Variants in POFUT3 observed in about 807,000 individuals in gnomAD.
The protein encoded by POFUT3 is protein O-fucosyltransferase 3, also known as GDP-fucose protein O-fucosyltransferase 3.
At chr8:33,320,024 A>T in the POFUT3 span, among the ~76,000 whole-genome samples, 408 of 151,680 alleles carry the variant, frequency 2.7e-3, 2 homozygotes, top group African/African-American at 9.1e-3. Context: ...CTCTGCTTAT[A>T]GCTTTGTGTT....
chr8:33,339,166 A>G, the POFUT3 span, among the ~76,000 whole-genome samples: 1 of 152,206 alleles, frequency 6.6e-6, no homozygotes. Context: ...CTATACAAAC[A>G]TGCTTGAAAT....
At chr8:33,347,131 C>G in the POFUT3 span, among the ~76,000 whole-genome samples, 1 of 152,120 alleles carries the variant, frequency 6.6e-6, no homozygotes, top group Non-Finnish European at 1.5e-5. Context: ...CGCACAAAAA[C>G]AAGAGAACCG....
the POFUT3 span, chr8:33,338,994 G>A: frequency 6.6e-6 from 1 of 151,852 alleles, no homozygotes; most frequent in Non-Finnish European, 1.5e-5. Context: ...ATATTTTAAT[G>A]ACCCAGTTGC....
chr8:33,379,628 G>A, the POFUT3 span, among the ~76,000 whole-genome samples: 20 of 151,460 alleles, frequency 1.3e-4, no homozygotes, highest in Non-Finnish European at 4.4e-5. Flanking sequence ...ACGAGGTCAG[G>A]AGTTCTAGGC....
At chr8:33,391,868 G>T in the POFUT3 span, among the ~76,000 whole-genome samples, 1 of 152,168 alleles carries the variant, frequency 6.6e-6, no homozygotes, top group Non-Finnish European at 1.5e-5. Context: ...GTCACTGTCT[G>T]CTGCTACCTG....
chr8:33,372,492 T>G, the POFUT3 span: 4 of 1,496,832 alleles, frequency 2.7e-6, no homozygotes, highest in Non-Finnish European at 3.6e-6. Flanking sequence ...GTCAACAGAA[T>G]AGCTATTATG....
the POFUT3 span, among the ~76,000 whole-genome samples, chr8:33,464,046 CTCACTT>C: frequency 2.0e-5 from 3 of 152,198 alleles, no homozygotes; most frequent in African/African-American, 7.2e-5. Context: ...CTCTCCATAA[CTCACTT>C]TCCAAAAGTA....
the POFUT3 span, among the ~76,000 whole-genome samples, chr8:33,382,184 C>T: frequency 2.0e-5 from 3 of 152,120 alleles, no homozygotes; most frequent in Admixed American, 6.5e-5. Context: ...CCCAGCTACT[C>T]GGGAGTCTGA....
At chr8:33,339,688 C>A in the POFUT3 span, among the ~76,000 whole-genome samples, 2 of 152,100 alleles carry the variant, frequency 1.3e-5, no homozygotes, top group African/African-American at 4.8e-5. Context: ...ATAAATGACA[C>A]CTTACCTATT....
the POFUT3 span, among the ~76,000 whole-genome samples, chr8:33,408,693 A>G: frequency 4.6e-5 from 7 of 152,196 alleles, no homozygotes; most frequent in Non-Finnish European, 1.0e-4. Context: ...ATGCCAGACA[A>G]AAAAGAGAAC....
chr8:33,346,150 A>C, the POFUT3 span, among the ~76,000 whole-genome samples: 1 of 118,280 alleles, frequency 8.5e-6, no homozygotes, highest in Non-Finnish European at 1.7e-5. Context: ...ATAGCCACTG[A>C]GTGCAGTGGA....
At chr8:33,314,724 G>A in the POFUT3 span, among the ~76,000 whole-genome samples, 2 of 152,160 alleles carry the variant, frequency 1.3e-5, no homozygotes, top group Admixed American at 6.6e-5. Flanking sequence ...TAGGAAAAAC[G>A]GTGATATAGC....
At chr8:33,409,604 C>T in the POFUT3 span, among the ~76,000 whole-genome samples, 2 of 152,160 alleles carry the variant, frequency 1.3e-5, no homozygotes, top group East Asian at 3.9e-4. Context: ...TTTGTTGCTG[C>T]TTTAACTATG....
the POFUT3 span, among the ~76,000 whole-genome samples, chr8:33,382,262 A>G: frequency 6.6e-6 from 1 of 152,184 alleles, no homozygotes; most frequent in East Asian, 1.9e-4. Flanking sequence ...ACTGTACTCC[A>G]GCCTGGGTGA....
the POFUT3 span, among the ~76,000 whole-genome samples, chr8:33,358,206 T>C: frequency 2.6e-5 from 4 of 152,224 alleles, no homozygotes; most frequent in African/African-American, 9.7e-5. Flanking sequence ...TGAGCCAGGA[T>C]GGTGCCATTG....
chr8:33,389,351 T>A, the POFUT3 span: 1 of 1,614,152 alleles, frequency 6.2e-7, no homozygotes, highest in South Asian at 1.1e-5. Flanking sequence ...TAGGATAAAC[T>A]TATACTGTGC....
the POFUT3 span, among the ~76,000 whole-genome samples, chr8:33,422,270 C>A: frequency 1.3e-5 from 2 of 150,940 alleles, no homozygotes; most frequent in African/African-American, 4.9e-5. Context: ...AGGCCTGGCG[C>A]GGTGGTTCCC....
At chr8:33,470,035 C>T in the POFUT3 span, among the ~76,000 whole-genome samples, 1 of 151,424 alleles carries the variant, frequency 6.6e-6, no homozygotes, top group Admixed American at 6.6e-5. Context: ...CCTCGTGATC[C>T]ACCTGCCTCG....
the POFUT3 span, among the ~76,000 whole-genome samples, chr8:33,401,462 T>C: frequency 6.6e-6 from 1 of 152,134 alleles, no homozygotes; most frequent in Non-Finnish European, 1.5e-5. Flanking sequence ...GGCTATCAAT[T>C]GCAAAATACA....
Sources: allele counts gnomAD v4.1 joint callset (sites outside exome capture counted in the v4.1 genomes callset), GRCh38; gene constraint gnomAD v4.1.1; transcripts MANE v1.5; gene names NCBI Gene and HGNC (gene_info 2026-07-23, HGNC 2026-07-21).